IGFL2: variants seen among roughly 807,000 people sequenced by gnomAD.
The protein encoded by IGFL2 is insulin growth factor-like family member 2.
Under a neutral mutation model 13.9 loss-of-function variants are expected in IGFL2, and 7 were observed. The observed-to-expected ratio is 0.51, with a 90% confidence interval of 0.29 to 0.95. IGFL2 has a LOEUF of 0.95. Among genes scored for constraint, IGFL2 ranks in the 40% least tolerant of loss-of-function variants. The pLI is 0.08. For missense variants in IGFL2, 138 were observed against 147.8 expected (o/e 0.93, Z 0.34); for synonymous variants, 55 against 55.8 (o/e 0.99, Z 0.07).
At chr19:46,141,514 A>G (rs1012018902), upstream of IGFL2, among the ~76,000 whole-genome samples, 2 of 152,012 alleles carry the variant, frequency 1.3e-5, no homozygotes, top group African/African-American at 4.8e-5. Flanking sequence ...CTCATCCCAC[A>G]AGGCCCTTCA....
the IGFL2 span, chr19:46,123,941 C>A: frequency 2.5e-6 from 4 of 1,611,474 alleles, no homozygotes; most frequent in Non-Finnish European, 2.5e-6. Flanking sequence ...ATACCCAGAA[C>A]CCTCAACTTC....
chr19:46,187,824 T>G, the IGFL2 span, among the ~76,000 whole-genome samples: 1 of 146,356 alleles, frequency 6.8e-6, no homozygotes, highest in African/African-American at 2.6e-5. Context: ...TGGTGTGTGC[T>G]ACGTGCTACC....
chr19:46,182,599 T>C, the IGFL2 span, among the ~76,000 whole-genome samples: 2 of 152,196 alleles, frequency 1.3e-5, no homozygotes, highest in Non-Finnish European at 2.9e-5. Flanking sequence ...GTACATACAG[T>C]AAACTCCATC....
At chr19:46,099,622 G>A in the IGFL2 span, among the ~76,000 whole-genome samples, 1 of 151,038 alleles carries the variant, frequency 6.6e-6, no homozygotes, top group East Asian at 1.9e-4. Context: ...TCTGCCCCCC[G>A]AGTTCAAGTG....
chr19:46,180,061 T>A, the IGFL2 span, among the ~76,000 whole-genome samples: 1 of 152,202 alleles, frequency 6.6e-6, no homozygotes, highest in Non-Finnish European at 1.5e-5. Flanking sequence ...TATATTCATA[T>A]ATGAGAAACA....
At chr19:46,179,216 C>G in the IGFL2 span, among the ~76,000 whole-genome samples, 1 of 145,890 alleles carries the variant, frequency 6.9e-6, no homozygotes, top group Non-Finnish European at 1.5e-5. Flanking sequence ...CTGAGCAGAG[C>G]TGGTCATGGG....
At chr19:46,167,338 G>A in the IGFL2 span, among the ~76,000 whole-genome samples, 2 of 152,080 alleles carry the variant, frequency 1.3e-5, no homozygotes, top group Non-Finnish European at 2.9e-5. Flanking sequence ...CAGGAGAGCC[G>A]CAGCCCCTTG....
chr19:46,138,749 C>T (rs184249752), upstream of IGFL2, among the ~76,000 whole-genome samples: 184 of 152,198 alleles, frequency 1.2e-3, 1 homozygote, highest in African/African-American at 2.1e-3. Context: ...ACAGATGTGG[C>T]GGGTAGGGAA....
At chr19:46,145,634 GTATT>G (rs1188711554), upstream of IGFL2, among the ~76,000 whole-genome samples, 31 of 147,656 alleles carry the variant, frequency 2.1e-4, no homozygotes, top group South Asian at 1.5e-3. Flanking sequence ...GTGTGTGTGT[GTATT>G]TATTTATTTA....
chr19:46,174,919 A>C, the IGFL2 span, among the ~76,000 whole-genome samples: 2 of 152,198 alleles, frequency 1.3e-5, no homozygotes, highest in African/African-American at 2.4e-5. Flanking sequence ...GATTGATCCA[A>C]ATTACCAGGT....
chr19:46,101,119 G>A, the IGFL2 span: 1 of 152,322 alleles, frequency 6.6e-6, no homozygotes. Flanking sequence ...TGTCCTCGAG[G>A]GGCACTGACC....
At chr19:46,205,485 A>T in the IGFL2 span, among the ~76,000 whole-genome samples, 1 of 152,194 alleles carries the variant, frequency 6.6e-6, no homozygotes, top group African/African-American at 2.4e-5. Flanking sequence ...AGCACTATGT[A>T]AATGTCACAG....
chr19:46,141,577 G>T (rs1972860995), upstream of IGFL2, among the ~76,000 whole-genome samples: 2 of 151,998 alleles, frequency 1.3e-5, no homozygotes, highest in African/African-American at 4.8e-5. Flanking sequence ...ACCCATGGTG[G>T]CCCTCTGTCA....
chr19:46,131,731 G>T, the IGFL2 span, among the ~76,000 whole-genome samples: 1 of 152,164 alleles, frequency 6.6e-6, no homozygotes, highest in Non-Finnish European at 1.5e-5. Flanking sequence ...TTGAGGCCAG[G>T]AGTTTAAGAC....
the IGFL2 span, among the ~76,000 whole-genome samples, chr19:46,177,882 A>G: frequency 2.6e-5 from 4 of 152,176 alleles, no homozygotes. Flanking sequence ...AGAAATCTGA[A>G]AAACTAAATT....
chr19:46,171,391 G>T, the IGFL2 span, among the ~76,000 whole-genome samples: 1 of 151,986 alleles, frequency 6.6e-6, no homozygotes, highest in Non-Finnish European at 1.5e-5. Flanking sequence ...ACAGAGAGAA[G>T]AAGCTATTGG....
the IGFL2 span, chr19:46,112,924 A>G: frequency 1.3e-5 from 2 of 152,238 alleles, no homozygotes; most frequent in South Asian, 2.1e-4. Context: ...AAAGAGGTCA[A>G]TTCCTTCAAA....
chr19:46,160,977 G>T (rs1974138217), intron 3 of IGFL2, 93 bp from the exon 4 acceptor site: 1 of 1,541,670 alleles, frequency 6.5e-7, no homozygotes, highest in Non-Finnish European at 8.9e-7. Context: ...GAAGAGCCCT[G>T]GCCCTGTAGT....
upstream of IGFL2, among the ~76,000 whole-genome samples, chr19:46,142,696 G>A (rs1050152632): frequency 2.6e-5 from 4 of 152,212 alleles, no homozygotes; most frequent in African/African-American, 9.6e-5. Context: ...AAACCCTCTG[G>A]AAAATGGTAG....
Sources: gnomAD v4.1 joint callset for allele counts (sites outside exome capture counted in the v4.1 genomes callset) on GRCh38, gnomAD v4.1.1 for gene constraint, MANE v1.5 for transcripts, NCBI Gene and HGNC (gene_info 2026-07-23, HGNC 2026-07-21) for gene names.